ATG7: variants seen among roughly 807,000 people sequenced by gnomAD.
ATG7 encodes ubiquitin-like modifier-activating enzyme ATG7.
ATG7 carries 70 observed loss-of-function variants against 82.4 expected under a neutral mutation model. The observed-to-expected ratio is 0.85, with a 90% CI of 0.70 to 1.04. The LOEUF is 1.04. Among genes scored for constraint, ATG7 ranks in the 50% least tolerant of loss-of-function variants. ATG7 has a pLI of 0.00. For missense variants in ATG7, 792 were observed against 864.3 expected (o/e 0.92, Z 1.05); for synonymous variants, 287 against 313.0 (o/e 0.92, Z 0.88).
At chr3:11,300,218 CCA>C (rs1481119110) in intron 5 of ATG7, among the ~76,000 whole-genome samples, 1 of 152,146 alleles carries the variant, frequency 6.6e-6, no homozygotes, top group Non-Finnish European at 1.5e-5. Flanking sequence ...GATCGAGCCA[CCA>C]CACCCAGCCA....
At chr3:11,552,246 A>G (rs2125065415) in intron 20 of ATG7, among the ~76,000 whole-genome samples, 1 of 152,310 alleles carries the variant, frequency 6.6e-6, no homozygotes, top group South Asian at 2.1e-4. Context: ...TTAGGGTTGA[A>G]TGTTTTTAAA....
At chr3:11,297,213 C>T (rs1460571512) in intron 3 of ATG7, among the ~76,000 whole-genome samples, 1 of 152,046 alleles carries the variant, frequency 6.6e-6, no homozygotes, top group Non-Finnish European at 1.5e-5. Flanking sequence ...GAAAAATTAG[C>T]CAGTCACGGT....
chr3:11,453,457 C>T (rs967720212), intron 20 of ATG7, among the ~76,000 whole-genome samples: 4 of 152,158 alleles, frequency 2.6e-5, no homozygotes, highest in Admixed American at 1.3e-4. Context: ...GCACACCCTT[C>T]GTCAGGATGT....
At chr3:11,276,153 C>T (rs991972530) in intron 1 of ATG7, among the ~76,000 whole-genome samples, 3 of 152,178 alleles carry the variant, frequency 2.0e-5, no homozygotes, top group Admixed American at 1.3e-4. Context: ...TCATTCCTCT[C>T]CTCAACCTCC....
At chr3:11,298,150 G>A (rs564368032) in intron 3 of ATG7, among the ~76,000 whole-genome samples, 9 of 151,762 alleles carry the variant, frequency 5.9e-5, no homozygotes, top group East Asian at 1.9e-4. Flanking sequence ...CTGCACTCCA[G>A]TGCAACAGAG....
At chr3:11,446,342 T>G (rs1262728954) in intron 20 of ATG7, among the ~76,000 whole-genome samples, 25 of 152,088 alleles carry the variant, frequency 1.6e-4, no homozygotes, top group Admixed American at 1.6e-3. Flanking sequence ...TTCAATCATC[T>G]TCCTTGTCTG....
chr3:11,359,000 C>A (rs1290186263), intron 15 of ATG7, among the ~76,000 whole-genome samples: 1 of 151,944 alleles, frequency 6.6e-6, no homozygotes, highest in Non-Finnish European at 1.5e-5. Flanking sequence ...AGTATGCAGC[C>A]ATTCACAGTT....
At chr3:11,518,609 C>T (rs1401978995) in intron 20 of ATG7, among the ~76,000 whole-genome samples, 4 of 151,666 alleles carry the variant, frequency 2.6e-5, no homozygotes, top group African/African-American at 9.7e-5. Context: ...CTCTTTGTTA[C>T]TCTGTTTCTT....
At chr3:11,404,579 T>C (rs1163558487) in intron 19 of ATG7, among the ~76,000 whole-genome samples, 1 of 151,894 alleles carries the variant, frequency 6.6e-6, no homozygotes, top group Non-Finnish European at 1.5e-5. Flanking sequence ...AGGTGTGTGG[T>C]TTTGGGCATG....
At chr3:11,501,549 A>T (rs201567359) in intron 20 of ATG7, among the ~76,000 whole-genome samples, 18 of 4,366 alleles carry the variant, frequency 4.1e-3, no homozygotes, top group Admixed American at 5.4e-3. Context: ...TGATATTAAT[A>T]GATAGGTGTG....
chr3:11,560,918 G>C (rs1317655460), downstream of ATG7, among the ~76,000 whole-genome samples: 1 of 152,196 alleles, frequency 6.6e-6, no homozygotes, highest in Non-Finnish European at 1.5e-5. Context: ...GACAGGCTCG[G>C]AAAGGGGGTT....
At chr3:11,455,588 C>T (rs145565067) in intron 20 of ATG7, among the ~76,000 whole-genome samples, 179 of 152,310 alleles carry the variant, frequency 1.2e-3, no homozygotes, top group African/African-American at 3.9e-3. Context: ...AACAACTGAT[C>T]GTGAGCTTGT....
At chr3:11,571,265 T>G in the ATG7 span, among the ~76,000 whole-genome samples, 47 of 152,042 alleles carry the variant, frequency 3.1e-4, no homozygotes, top group Non-Finnish European at 1.5e-4. Context: ...TGCCATAGCT[T>G]AACATTGCTT....
At chr3:11,317,895 G>A (rs1017401428) in intron 9 of ATG7, among the ~76,000 whole-genome samples, 2 of 152,152 alleles carry the variant, frequency 1.3e-5, no homozygotes, top group African/African-American at 4.8e-5. Flanking sequence ...CCGGCCACAA[G>A]CCTATGGCCT....
At chr3:11,576,114 G>A in the ATG7 span, among the ~76,000 whole-genome samples, 2 of 152,224 alleles carry the variant, frequency 1.3e-5, no homozygotes, top group East Asian at 1.9e-4. Context: ...AACATGACCG[G>A]TAAAGCATCT....
At chr3:11,448,218 G>T (rs1392296387) in intron 20 of ATG7, among the ~76,000 whole-genome samples, 1 of 152,164 alleles carries the variant, frequency 6.6e-6, no homozygotes, top group East Asian at 1.9e-4. Context: ...TCCAAACAAA[G>T]AACTTTCTCT....
chr3:11,404,125 A>ATTTTTTT (rs10591303), intron 19 of ATG7, among the ~76,000 whole-genome samples: 3 of 76,924 alleles, frequency 3.9e-5, no homozygotes, highest in African/African-American at 5.4e-5. Flanking sequence ...AACCAGCTCA[A>ATTTTTTT]TTTTTTTTTT....
chr3:11,482,826 C>A (rs1271725734), intron 20 of ATG7, among the ~76,000 whole-genome samples: 1 of 151,104 alleles, frequency 6.6e-6, no homozygotes. Flanking sequence ...CATTTGTATA[C>A]AATTAAGTGC....
At chr3:11,471,798 G>T (rs1238750842) in intron 20 of ATG7, among the ~76,000 whole-genome samples, 1 of 130,836 alleles carries the variant, frequency 7.6e-6, no homozygotes, top group African/African-American at 2.9e-5. Flanking sequence ...GGAGTGCAGT[G>T]GTACAGTCTC....
Sources: allele counts gnomAD v4.1 joint callset (sites outside exome capture counted in the v4.1 genomes callset), GRCh38; gene constraint gnomAD v4.1.1; transcripts MANE v1.5; gene names NCBI Gene and HGNC (gene_info 2026-07-23, HGNC 2026-07-21).